The following GLG1 variants were observed in gnomAD, a reference collection of about 807,000 sequenced individuals.
GLG1 encodes golgi glycoprotein 1.
GLG1 carries 38 observed loss-of-function variants against 160.5 expected under a neutral mutation model. The ratio of observed to expected loss-of-function variants is 0.24; its 90% confidence interval spans 0.18 to 0.31. GLG1 has a LOEUF of 0.31. GLG1 is among the 10% of genes least tolerant of loss of function. The pLI is 1.00. For synonymous variants in GLG1, 644 were observed against 543.4 expected, an observed-to-expected ratio of 1.19 and a Z score of -2.57; for missense variants, 1,373 against 1,505.2, an observed-to-expected ratio of 0.91 and a Z score of 1.45.
intron 4 of GLG1, among the ~76,000 whole-genome samples, chr16:74,500,999 G>A (rs957106063): frequency 5.3e-5 from 8 of 152,054 alleles, no homozygotes; most frequent in Non-Finnish European, 1.0e-4. Context: ...TCCTCTCCTC[G>A]GTCCTCTGGA....
chr16:74,460,887 TAG>T (rs751735465), intron 22 of GLG1, among the ~76,000 whole-genome samples: 3 of 152,214 alleles, frequency 2.0e-5, no homozygotes, highest in Admixed American at 6.5e-5. Context: ...GACATTCACA[TAG>T]GTTCAGGGTC....
chr16:74,521,773 A>T (rs893725601), intron 2 of GLG1, among the ~76,000 whole-genome samples: 3 of 152,198 alleles, frequency 2.0e-5, no homozygotes, highest in African/African-American at 7.2e-5. Context: ...CCTCAATGTA[A>T]GTCCTGGCAG....
intron 8 of GLG1, among the ~76,000 whole-genome samples, chr16:74,487,887 A>T (rs1366732402): frequency 3.9e-5 from 6 of 152,130 alleles, no homozygotes. Context: ...TGGGAAATAA[A>T]CACTGAAAAT....
chr16:74,535,573 A>C (rs2017665850), intron 1 of GLG1, among the ~76,000 whole-genome samples: 1 of 152,122 alleles, frequency 6.6e-6, no homozygotes, highest in Non-Finnish European at 1.5e-5. Context: ...GCTGAGACTA[A>C]AGGTATGTGC....
intron 2 of GLG1, among the ~76,000 whole-genome samples, chr16:74,512,081 C>T (rs1481008348): frequency 6.6e-6 from 1 of 151,952 alleles, no homozygotes; most frequent in Non-Finnish European, 1.5e-5. Flanking sequence ...AAACAGAAGC[C>T]CACACCCATT....
chr16:74,484,220 G>A (rs963483267), intron 9 of GLG1, among the ~76,000 whole-genome samples: 1 of 152,134 alleles, frequency 6.6e-6, no homozygotes, highest in African/African-American at 2.4e-5. Flanking sequence ...TTGCATAGCA[G>A]CATGAGATAA....
intron 1 of GLG1, among the ~76,000 whole-genome samples, chr16:74,542,719 A>AGGAAGGAAGGG (rs1567513862): frequency 3.4e-5 from 1 of 29,018 alleles, no homozygotes; most frequent in Non-Finnish European, 6.1e-5. Context: ...GGAAGAAGGG[A>AGGAAGGAAGGG]AGGAAGGAAG....
intron 2 of GLG1, among the ~76,000 whole-genome samples, chr16:74,528,504 T>G (rs1460352564): frequency 6.6e-6 from 1 of 151,966 alleles, no homozygotes; most frequent in Non-Finnish European, 1.5e-5. Flanking sequence ...TCTTTTCGTT[T>G]TGGCAGATTG....
At chr16:74,589,913 G>A (rs1267922322) in intron 1 of GLG1, among the ~76,000 whole-genome samples, 1 of 152,012 alleles carries the variant, frequency 6.6e-6, no homozygotes, top group Non-Finnish European at 1.5e-5. Flanking sequence ...CTCCAGCCTA[G>A]GTGACAGAGT....
Position 74,606,902 on chromosome 16 carries a change from G to A in GLG1, c.193C>T (p.Gln65Ter). ...GGGPAGQQLP[Q>*]LPQSSQLQQQ... Reference sequence around the variant, plus strand: ...TGAAGCTGCGATGACTGAGGCAGCTGGGGCAGCTGCTGACCCGCCGGGCCG... The same window carrying A: ...TGAAGCTGCGATGACTGAGGCAGCTAGGGCAGCTGCTGACCCGCCGGGCCG... The change falls in exon 1 of 26, where the codon CAG becomes TAG. Residue 65 changes from glutamine (Q) to a stop codon, truncating the protein, a stop_gained. Coordinates refer to ENST00000422840, the MANE Select transcript of GLG1 (RefSeq NM_001145667.2). LOFTEE classifies it high-confidence loss of function. 6.2e-7 allele frequency: 1 copy of A among 1,605,030 alleles called. No individual in the cohort carries two copies.
At chr16:74,541,982 T>C (rs28473046) in intron 1 of GLG1, among the ~76,000 whole-genome samples, 129,745 of 137,700 alleles carry the variant, frequency 0.94, 61,351 homozygotes, top group East Asian at 1. Context: ...TAATGATACA[T>C]TTTCCCAGTT....
chr16:74,464,575 A>G (rs1016812877), intron 19 of GLG1, among the ~76,000 whole-genome samples: 1 of 152,166 alleles, frequency 6.6e-6, no homozygotes. Flanking sequence ...TAGTTCTCTA[A>G]AGAGTGTGAT....
chr16:74,473,451 T>TC (rs1172435036), intron 13 of GLG1, among the ~76,000 whole-genome samples: 1 of 148,714 alleles, frequency 6.7e-6, no homozygotes, highest in East Asian at 2.0e-4. Context: ...TTTTTTTTTT[T>TC]TTTTGAGACA....
chr16:74,462,070 A>G (rs775821270), intron 22 of GLG1, 24 bp downstream of exon 22: 1 of 1,261,284 alleles, frequency 7.9e-7, no homozygotes, highest in Non-Finnish European at 1.2e-6. Flanking sequence ...TCTGTGCGTA[A>G]CCAGTTTTGC....
intron 4 of GLG1, among the ~76,000 whole-genome samples, chr16:74,498,469 A>ATATATATATATATATATATATATAG (rs2016291278): frequency 2.8e-5 from 1 of 35,958 alleles, no homozygotes; most frequent in Non-Finnish European, 6.2e-5. Flanking sequence ...TATATATATT[A>ATATATATATATATATATATATATAG]TATTTTATAT....
At chr16:74,514,751 G>C (rs915857165) in intron 2 of GLG1, among the ~76,000 whole-genome samples, 1 of 152,152 alleles carries the variant, frequency 6.6e-6, no homozygotes, top group African/African-American at 2.4e-5. Context: ...GAAATAACCA[G>C]CTAGCATCAT....
chr16:74,452,090 A>G lies in GLG1; in HGVS notation c.*1077T>C. Reference sequence around the variant, plus strand: ...ACTGCCTGTCACATCCTGAGACCACACTAAACCTTTATAAGCCATTGTCTC... The same window carrying G: ...ACTGCCTGTCACATCCTGAGACCACGCTAAACCTTTATAAGCCATTGTCTC... On this transcript the variant is annotated 3_prime_UTR_variant, in exon 26 of 26. Coordinates refer to ENST00000422840, the MANE Select transcript of GLG1 (RefSeq NM_001145667.2). The G allele has an allele frequency of 6.2e-7, 1 of 1,614,106 alleles. No homozygotes were observed. The highest frequency in any genetic ancestry group is 1.1e-5 in the South Asian group (1 of 91,086).
intron 1 of GLG1, among the ~76,000 whole-genome samples, chr16:74,532,583 G>C (rs1315766255): frequency 1.3e-5 from 2 of 151,960 alleles, no homozygotes; most frequent in Non-Finnish European, 2.9e-5. Flanking sequence ...CCATGCAGTG[G>C]CGCAATCATG....
chr16:74,467,690 T>A (rs572718767), intron 18 of GLG1, 66 bp downstream of exon 18: 1 of 1,120,422 alleles, frequency 8.9e-7, no homozygotes, highest in South Asian at 1.3e-5. Context: ...GCACTAGCTT[T>A]TGAGAAAACA....
Sources: gnomAD v4.1 joint callset for allele counts (sites outside exome capture counted in the v4.1 genomes callset) on GRCh38, gnomAD v4.1.1 for gene constraint, MANE v1.5 for transcripts, NCBI Gene and HGNC (gene_info 2026-07-23, HGNC 2026-07-21) for gene names.